Variants in CUL2 observed in about 807,000 individuals in gnomAD.
CUL2 encodes the protein cullin 2.
In CUL2, 22 loss-of-function variants were observed where a neutral mutation model predicts 110.2. The observed-to-expected ratio is 0.20, with a 90% confidence interval of 0.14 to 0.28. The LOEUF (loss-of-function observed/expected upper bound fraction) is 0.28, where lower values mean the gene tolerates loss of function less well. Ranked by LOEUF, CUL2 falls within the 10% of genes least tolerant of loss-of-function variation. The pLI, the probability that CUL2 is intolerant of heterozygous loss-of-function variation, is 1.00. For missense variants in CUL2, 631 were observed against 905.5 expected, an observed-to-expected ratio of 0.70 and a Z score of 3.89; for synonymous variants, 279 against 293.2, an observed-to-expected ratio of 0.95 and a Z score of 0.49.
intron 5 of CUL2, among the ~76,000 whole-genome samples, chr10:35,050,173 G>T (rs2086063538): frequency 6.6e-6 from 1 of 151,830 alleles, no homozygotes; most frequent in Non-Finnish European, 1.5e-5. Context: ...ATACAAAAAT[G>T]AGCCTGGTGT....
At chr10:35,117,325 C>T (rs2087620919) in intron 1 of CUL2, among the ~76,000 whole-genome samples, 1 of 152,198 alleles carries the variant, frequency 6.6e-6, no homozygotes, top group Admixed American at 6.5e-5. Context: ...GCAGCCTAGT[C>T]TATCTCACAG....
At chr10:35,046,654 G>A (rs1377900111) in intron 6 of CUL2, among the ~76,000 whole-genome samples, 1 of 152,192 alleles carries the variant, frequency 6.6e-6, no homozygotes, top group African/African-American at 2.4e-5. Flanking sequence ...CACTTTAGGA[G>A]GCTGAGGTGG....
At chr10:35,067,673 G>T (rs754055620) in intron 2 of CUL2, among the ~76,000 whole-genome samples, 1 of 151,690 alleles carries the variant, frequency 6.6e-6, no homozygotes, top group Non-Finnish European at 1.5e-5. Flanking sequence ...AAACCCAGGA[G>T]GGGGAGGCTG....
rs577222207 is a variant in CUL2 at position 35,016,035 on chromosome 10, T to G, written c.1887+157A>C. Reference sequence around the variant, plus strand: ...TCACACAGCATGCTCTGTGATGCCTTAACGCTCGCAGCTCTATGGAGCGTA... The same window carrying G: ...TCACACAGCATGCTCTGTGATGCCTGAACGCTCGCAGCTCTATGGAGCGTA... On this transcript the variant is annotated intron_variant, in intron 18 of 20. Transcript: ENST00000374749. Among the ~76,000 whole-genome samples, 5 of 152,342 alleles carry G rather than the reference T, an allele frequency of 3.3e-5. No individual in the cohort carries two copies. In the East Asian group the frequency reaches 9.6e-4, roughly 29 times the overall value.
At chr10:35,102,650 C>G (rs183281596) in intron 1 of CUL2, among the ~76,000 whole-genome samples, 7 of 148,806 alleles carry the variant, frequency 4.7e-5, no homozygotes, top group African/African-American at 1.7e-4. Flanking sequence ...TTTGAGAGAC[C>G]GAGGCGGGTG....
chr10:35,113,905 T>C (rs1184054062), intron 1 of CUL2, among the ~76,000 whole-genome samples: 1 of 150,334 alleles, frequency 6.7e-6, no homozygotes, highest in Non-Finnish European at 1.5e-5. Flanking sequence ...AAATTATTAT[T>C]ATTATATTTA....
rs191527099 is a variant in CUL2, at chr10:35,107,346, G to A, written c.-50-6286C>T. On this transcript the variant is annotated intron_variant, in intron 1 of 5. Transcript: ENST00000685421. Reference sequence around the variant, plus strand: ...ATTATAGGTGGTGGTTTTGAAAGTAGGCTGAAGGTCAAGATTTTAGAGAAA... The same window carrying A: ...ATTATAGGTGGTGGTTTTGAAAGTAAGCTGAAGGTCAAGATTTTAGAGAAA... Among the ~76,000 whole-genome samples the A allele has an allele frequency of 3.6e-3, 545 of 152,214 alleles. 3 individuals carry two copies. Among genetic ancestry groups the A allele is most frequent in the South Asian group, 0.022 (106 of 4,824 alleles).
At chr10:35,033,070 C>T in intron 11 of CUL2, 96 bp downstream of exon 11, 1 of 557,140 alleles carries the variant, frequency 1.8e-6, no homozygotes, top group Non-Finnish European at 3.0e-6. Context: ...TCCATGTCTA[C>T]ATCAGAAACC....
Position 35,121,458 on chromosome 10 carries a change from T to C in CUL2, c.-51+5147A>G, listed in dbSNP as rs946723075. Among the ~76,000 whole-genome samples, 9 of 152,276 alleles carry C rather than the reference T, an allele frequency of 5.9e-5. No individual in the cohort carries two copies. In the South Asian group the frequency reaches 6.2e-4, roughly 11 times the overall value. On this transcript the variant is annotated intron_variant, in intron 1 of 5. Transcript: ENST00000685421. ...GCCAGGCTGTATGATATGCACTGTATTAAAACCTTTATGTTATTAGCTAAT... is the reference window on the plus strand; with the variant it reads ...GCCAGGCTGTATGATATGCACTGTACTAAAACCTTTATGTTATTAGCTAAT...
At chr10:35,105,342 C>T (rs1476339134) in intron 1 of CUL2, among the ~76,000 whole-genome samples, 1 of 151,524 alleles carries the variant, frequency 6.6e-6, no homozygotes, top group Non-Finnish European at 1.5e-5. Flanking sequence ...AGGAGAATGG[C>T]GTGAACCCGG....
intron 8 of CUL2, among the ~76,000 whole-genome samples, chr10:35,044,066 A>C (rs1171588707): frequency 4.1e-5 from 6 of 147,204 alleles, no homozygotes; most frequent in South Asian, 4.2e-4. Flanking sequence ...AAAAAAAAAA[A>C]AAAAAAAAAC....
At chr10:35,097,002 G>T (rs918945201) in intron 2 of CUL2, among the ~76,000 whole-genome samples, 3 of 151,924 alleles carry the variant, frequency 2.0e-5, no homozygotes, top group Admixed American at 1.3e-4. Flanking sequence ...TAGAGACGGG[G>T]TTTCACCATG....
intron 5 of CUL2, among the ~76,000 whole-genome samples, chr10:35,051,603 T>TC (rs2086114036): frequency 6.6e-6 from 1 of 152,156 alleles, no homozygotes; most frequent in Admixed American, 6.5e-5. Flanking sequence ...ACAGCAAGAC[T>TC]CCGTCTCAAA....
At chr10:35,026,983 C>T (rs971519156) in intron 16 of CUL2, among the ~76,000 whole-genome samples, 5 of 151,862 alleles carry the variant, frequency 3.3e-5, no homozygotes, top group African/African-American at 4.8e-5. Flanking sequence ...ATCCCTCCCC[C>T]CTCCTCCCAG....
intron 2 of CUL2, among the ~76,000 whole-genome samples, chr10:35,096,514 G>A (rs1196197359): frequency 1.3e-5 from 2 of 152,138 alleles, no homozygotes; most frequent in African/African-American, 4.8e-5. Flanking sequence ...TCTGGAGGCT[G>A]AAATGGGAGG....
At chr10:35,083,637 A>T (rs1238838893) in intron 1 of CUL2, among the ~76,000 whole-genome samples, 1 of 152,230 alleles carries the variant, frequency 6.6e-6, no homozygotes, top group African/African-American at 2.4e-5. Flanking sequence ...TATCGAAAGG[A>T]CACAAGTTAA....
chr10:35,012,067 T>G, intron 19 of CUL2, 103 bp from the exon 20 acceptor site: 2 of 697,704 alleles, frequency 2.9e-6, no homozygotes, highest in Non-Finnish European at 4.7e-6. Flanking sequence ...TTTTTTTTTT[T>G]TTTTGAGACA....
chr10:35,123,172 A>ACAAAC (rs1189299388), intron 1 of CUL2, among the ~76,000 whole-genome samples: 2 of 151,502 alleles, frequency 1.3e-5, no homozygotes, highest in African/African-American at 4.9e-5. Context: ...ACAAAACAAA[A>ACAAAC]CAAAACAAAG....
chr10:35,017,577 C>G (rs2085068417), intron 17 of CUL2, among the ~76,000 whole-genome samples: 1 of 151,864 alleles, frequency 6.6e-6, no homozygotes, highest in South Asian at 2.1e-4. Flanking sequence ...GCCTGTAAAC[C>G]CAGCTACTCG....
Sources: allele counts gnomAD v4.1 joint callset (sites outside exome capture counted in the v4.1 genomes callset), GRCh38; gene constraint gnomAD v4.1.1; transcripts MANE v1.5; gene names NCBI Gene and HGNC (gene_info 2026-07-23, HGNC 2026-07-21).